The following RNF38 variants were observed in gnomAD, a reference collection of about 807,000 sequenced individuals.
The protein encoded by RNF38 is E3 ubiquitin-protein ligase RNF38.
RNF38 carries 15 observed loss-of-function variants against 67.2 expected under a neutral mutation model. That is an observed-to-expected ratio of 0.22 (90% CI 0.15 to 0.34). The LOEUF is 0.34. Ranked by LOEUF, RNF38 falls within the 10% of genes least tolerant of loss-of-function variation. RNF38 has a pLI of 1.00. For synonymous variants in RNF38, 220 were observed against 218.8 expected, an observed-to-expected ratio of 1.01 and a Z score of -0.05; for missense variants, 524 against 639.9, an observed-to-expected ratio of 0.82 and a Z score of 1.95.
intron 11 of RNF38, 31 bp from the exon 12 acceptor site, chr9:36,339,845 T>C (rs1832713502): frequency 1.3e-6 from 2 of 1,555,926 alleles, no homozygotes; most frequent in South Asian, 2.3e-5. Flanking sequence ...CTTGTTTAAA[T>C]TGTGACACAT....
chr9:36,444,181 T>C (rs539329623), intron 1 of RNF38, among the ~76,000 whole-genome samples: 3 of 151,990 alleles, frequency 2.0e-5, no homozygotes, highest in East Asian at 3.9e-4. Context: ...ATTTAGGACA[T>C]GGACAAAGAA....
chr9:36,352,404 T>G (rs929916313), intron 8 of RNF38, among the ~76,000 whole-genome samples: 1 of 151,864 alleles, frequency 6.6e-6, no homozygotes, highest in Non-Finnish European at 1.5e-5. Context: ...ATAAATAAAT[T>G]TTTCTCCTTT....
At chr9:36,426,487 G>A (rs139020641) in intron 1 of RNF38, among the ~76,000 whole-genome samples, 58 of 152,256 alleles carry the variant, frequency 3.8e-4, no homozygotes, top group African/African-American at 1.3e-3. Context: ...ACACTGAACC[G>A]CGTACCAATC....
At chr9:36,380,931 T>C (rs1348330724) in intron 2 of RNF38, among the ~76,000 whole-genome samples, 4 of 152,184 alleles carry the variant, frequency 2.6e-5, no homozygotes, top group South Asian at 2.1e-4. Context: ...TAAGGCCTTA[T>C]GACTGAGACC....
At chr9:36,425,048 A>C (rs1297876483) in intron 1 of RNF38, among the ~76,000 whole-genome samples, 1 of 152,242 alleles carries the variant, frequency 6.6e-6, no homozygotes, top group Non-Finnish European at 1.5e-5. Context: ...TCCTTTTCAG[A>C]CTACACATGC....
intron 8 of RNF38, among the ~76,000 whole-genome samples, chr9:36,352,262 G>GC (rs1305107866): frequency 6.6e-6 from 1 of 151,746 alleles, no homozygotes; most frequent in East Asian, 1.9e-4. Context: ...CCGAGGTGGT[G>GC]CCACTGCACT....
intron 1 of RNF38, among the ~76,000 whole-genome samples, chr9:36,394,574 C>T (rs912634421): frequency 4.6e-5 from 7 of 152,290 alleles, no homozygotes; most frequent in Non-Finnish European, 8.8e-5. Context: ...GTTTTAAAGC[C>T]TCAATCTGGT....
Position 36,487,138 on chromosome 9 carries a change from C to A in RNF38, n.241+170G>T, listed in dbSNP as rs373258766. Among the ~76,000 whole-genome samples the A allele has an allele frequency of 1.3e-4, 20 of 152,202 alleles. 1 individual carries two copies. In the East Asian group the frequency reaches 1.5e-3, roughly 12 times the overall value. Reference sequence around the variant, plus strand: ...GGTGGGAAAACGCTTTGTGAGCGCTCGGCGCGGCTGAGGCGCAGGGCTCGC... The same window carrying A: ...GGTGGGAAAACGCTTTGTGAGCGCTAGGCGCGGCTGAGGCGCAGGGCTCGC... On this transcript the variant is annotated intron_variant and non_coding_transcript_variant, in intron 1 of 3. Transcript: ENST00000488058.
chr9:36,381,998 C>T (rs969111528), intron 2 of RNF38, among the ~76,000 whole-genome samples: 1 of 152,228 alleles, frequency 6.6e-6, no homozygotes, highest in African/African-American at 2.4e-5. Context: ...CTCACTCCCC[C>T]GTCTCTAATT....
At chr9:36,481,430 G>A (rs1466729266) in intron 1 of RNF38, among the ~76,000 whole-genome samples, 1 of 152,160 alleles carries the variant, frequency 6.6e-6, no homozygotes, top group Non-Finnish European at 1.5e-5. Context: ...CAAGAACAGC[G>A]CTAATATCCA....
intron 1 of RNF38, among the ~76,000 whole-genome samples, chr9:36,477,951 A>G (rs567165319): frequency 3.3e-5 from 5 of 152,008 alleles, no homozygotes; most frequent in East Asian, 1.9e-4. Context: ...TATGATTACC[A>G]CTGCCACTGC....
At chr9:36,476,863 T>C (rs1840132377) in intron 1 of RNF38, among the ~76,000 whole-genome samples, 1 of 152,132 alleles carries the variant, frequency 6.6e-6, no homozygotes, top group Non-Finnish European at 1.5e-5. Flanking sequence ...GTCTAACTCC[T>C]AACTTGACTC....
At chr9:36,352,700 A>G (rs1833786474) in intron 8 of RNF38, 42 bp downstream of exon 8, 1 of 1,333,198 alleles carries the variant, frequency 7.5e-7, no homozygotes, top group African/African-American at 1.4e-5. Flanking sequence ...GAATCTCAAG[A>G]GTTTCAAAAT....
Position 36,353,209 on chromosome 9 carries a change from T to G in RNF38, c.1032A>C (p.Leu344Phe), listed in dbSNP as rs1354099537. ...CCTCCTGATGCAAAGGATCATGTGT[T>G]AAGAACTGCAAGGGAGCTGATGGAG... ...TLPPSAPLQFLTHDPLHQEVS... is the reference protein window; with the variant it reads ...TLPPSAPLQFFTHDPLHQEVS... Residue 344 changes from leucine (L) to phenylalanine (F), a missense_variant, in exon 7 of 12, where the codon TTA becomes TTC. Physicochemically the swap from Leu to Phe is conservative, Grantham distance 22. Coordinates refer to ENST00000259605, the MANE Select transcript of RNF38 (RefSeq NM_022781.5). 1 of 1,613,958 alleles carries G rather than the reference T, an allele frequency of 6.2e-7. No homozygotes were observed. Among genetic ancestry groups the G allele is most frequent in the East Asian group, 2.2e-5 (1 of 44,888 alleles).
chr9:36,349,870 TCAGA>T (rs1218023581), intron 9 of RNF38, among the ~76,000 whole-genome samples: 3 of 152,206 alleles, frequency 2.0e-5, no homozygotes, highest in South Asian at 2.1e-4. Context: ...TTTTTCTTTT[TCAGA>T]CAGTCTTGCT....
chr9:36,435,223 T>G (rs758530385), intron 1 of RNF38, among the ~76,000 whole-genome samples: 5 of 152,196 alleles, frequency 3.3e-5, no homozygotes, highest in Non-Finnish European at 7.3e-5. Context: ...TGCTTTTTCC[T>G]ATTTTTAAAT....
chr9:36,340,718 T>C (rs758243950), intron 11 of RNF38, among the ~76,000 whole-genome samples: 2 of 152,214 alleles, frequency 1.3e-5, no homozygotes, highest in African/African-American at 2.4e-5. Context: ...CATTTAGTGG[T>C]ACCGAGGAAA....
chr9:36,339,909 C>CATTCTTTCTTCCTCTGA, intron 11 of RNF38, 95 bp from the exon 12 acceptor site: 1 of 1,089,346 alleles, frequency 9.2e-7, no homozygotes. Context: ...ACAGTTTTTA[C>CATTCTTTCTTCCTCTGA]ATTCTTTCTT....
intron 2 of RNF38, among the ~76,000 whole-genome samples, chr9:36,381,420 T>A (rs1351468250): frequency 6.6e-6 from 1 of 151,948 alleles, no homozygotes; most frequent in Non-Finnish European, 1.5e-5. Context: ...GCTTCTGGAG[T>A]TTAGGCAAAA....
Sources: gnomAD v4.1 joint callset for allele counts (sites outside exome capture counted in the v4.1 genomes callset) on GRCh38, gnomAD v4.1.1 for gene constraint, MANE v1.5 for transcripts, NCBI Gene and HGNC (gene_info 2026-07-23, HGNC 2026-07-21) for gene names.